Variants in STX12 observed in about 807,000 individuals in gnomAD.
The protein encoded by STX12 is syntaxin 12, also known as syntaxin-12.
STX12 carries 17 observed loss-of-function variants against 42.2 expected under a neutral mutation model. The ratio of observed to expected loss-of-function variants is 0.40; its 90% CI spans 0.28 to 0.60. The LOEUF (loss-of-function observed/expected upper bound fraction) is 0.60, where lower values mean the gene tolerates loss of function less well. Among genes scored for constraint, STX12 ranks in the 20% least tolerant of loss-of-function variants. The probability of loss-of-function intolerance (pLI) is 0.39; values close to 1 mark genes in which losing one functional copy is unlikely to be tolerated. For synonymous variants in STX12, 108 were observed against 116.7 expected, an observed-to-expected ratio of 0.93 and a Z score of 0.48; for missense variants, 297 against 330.9, an observed-to-expected ratio of 0.90 and a Z score of 0.79.
At chr1:27,801,343 G>A (rs1272176324) in intron 3 of STX12, among the ~76,000 whole-genome samples, 1 of 151,832 alleles carries the variant, frequency 6.6e-6, no homozygotes, top group Non-Finnish European at 1.5e-5. Flanking sequence ...GCAGAGGTTG[G>A]CAGTGAGCTG....
chr1:27,775,838 A>C (rs1034019995), intron 1 of STX12, among the ~76,000 whole-genome samples: 3 of 152,234 alleles, frequency 2.0e-5, no homozygotes, highest in African/African-American at 4.8e-5. Flanking sequence ...AGGAGGGAAT[A>C]AAATGAACAG....
chr1:27,786,211 C>T (rs913557871), intron 1 of STX12, among the ~76,000 whole-genome samples: 2 of 152,184 alleles, frequency 1.3e-5, no homozygotes, highest in Non-Finnish European at 2.9e-5. Context: ...CACCTCTCTG[C>T]TGTCTCTTGC....
chr1:27,789,570 A>C lies in STX12; in HGVS notation c.127A>C (p.Ile43Leu). The C allele has an allele frequency of 6.2e-7, 1 of 1,613,500 alleles. No individual in the cohort carries two copies. The highest frequency in any genetic ancestry group is 8.5e-7 in the Non-Finnish European group (1 of 1,179,622). ...IQRISQATAQ[I>L]KNLMSQLGTK... ...TCTTCCTATCTCCCCAGCTGCTCAG[A>C]TAAAGAATTTGATGAGCCAGCTAGG... The change falls in exon 2 of 9, where the codon ATA (isoleucine) becomes CTA (leucine). Residue 43 changes from isoleucine to leucine, a missense_variant. Transcript: ENST00000373943.
intron 1 of STX12, 58 bp downstream of exon 1, chr1:27,773,483 G>A: frequency 6.5e-7 from 1 of 1,532,706 alleles, no homozygotes; most frequent in Non-Finnish European, 9.0e-7. Context: ...GCCTGGGTGA[G>A]GCTGCCGGGA....
At chr1:27,777,896 A>G (rs1322077924) in intron 1 of STX12, among the ~76,000 whole-genome samples, 2 of 152,060 alleles carry the variant, frequency 1.3e-5, no homozygotes, top group African/African-American at 2.4e-5. Flanking sequence ...CAAAAAAAAA[A>G]GAAAAAAGAA....
chr1:27,778,031 CCAAATA>C (rs2148595934), intron 1 of STX12, among the ~76,000 whole-genome samples: 1 of 152,248 alleles, frequency 6.6e-6, no homozygotes, highest in East Asian at 1.9e-4. Flanking sequence ...GCCAGCACAC[CCAAATA>C]TACCCTTAGA....
chr1:27,782,098 GTTTT>G (rs140966022), intron 1 of STX12, among the ~76,000 whole-genome samples: 6,613 of 152,054 alleles, frequency 0.043, 485 homozygotes, highest in African/African-American at 0.15. Context: ...ATAAGCAGTG[GTTTT>G]TTGTTTTTTG....
At chr1:27,795,167 G>A (rs1184065479) in intron 3 of STX12, among the ~76,000 whole-genome samples, 1 of 152,068 alleles carries the variant, frequency 6.6e-6, no homozygotes, top group Non-Finnish European at 1.5e-5. Context: ...TCATTTTAGT[G>A]TATTGAGATC....
In STX12 at chr1:27,812,433, G is replaced by A. The variant is rs562780491; in HGVS notation, c.576+165G>A. Among the ~76,000 whole-genome samples, 16 of 141,414 alleles carry A rather than the reference G, an allele frequency of 1.1e-4. No individual in the cohort carries two copies. The South Asian group carries it at 3.2e-3, about 28-fold the overall frequency. The allele number at this position is 141,414 out of a possible 152,430, so 92.8% of individuals were successfully genotyped here. ...GTAATCATGGTGGGTTTGAACTACC[G>A]GTTTTTTTTGTTTTTTTTTTTATCT... On this transcript the variant is annotated intron_variant, in intron 6 of 8. Transcript: ENST00000373943.
intron 8 of STX12, among the ~76,000 whole-genome samples, chr1:27,821,307 G>A (rs1185638868): frequency 1.3e-5 from 2 of 152,002 alleles, no homozygotes; most frequent in Non-Finnish European, 2.9e-5. Flanking sequence ...TTAATTTAGT[G>A]TCCAACAGTA....
chr1:27,799,550 T>A (rs940762370), intron 3 of STX12, among the ~76,000 whole-genome samples: 9 of 150,336 alleles, frequency 6.0e-5, no homozygotes, highest in African/African-American at 2.0e-4. Flanking sequence ...TGGCGCGATC[T>A]CAGCTCACTG....
chr1:27,797,398 C>G (rs2148602083), intron 3 of STX12, among the ~76,000 whole-genome samples: 1 of 152,170 alleles, frequency 6.6e-6, no homozygotes. Flanking sequence ...CTTGCCTATC[C>G]CGTCTGCCCT....
At chr1:27,791,659 C>T (rs1216293771) in intron 2 of STX12, among the ~76,000 whole-genome samples, 1 of 151,708 alleles carries the variant, frequency 6.6e-6, no homozygotes, top group Admixed American at 6.6e-5. Flanking sequence ...ACTAAAAATA[C>T]AAAAAATTAG....
chr1:27,818,401 T>C (rs980529207), intron 7 of STX12, among the ~76,000 whole-genome samples: 1 of 144,940 alleles, frequency 6.9e-6, no homozygotes. Flanking sequence ...AAAAAAAAAA[T>C]GGAGTTAGTC....
chr1:27,811,452 T>C (rs1048292499), intron 5 of STX12, among the ~76,000 whole-genome samples: 1 of 152,084 alleles, frequency 6.6e-6, no homozygotes, highest in African/African-American at 2.4e-5. Flanking sequence ...AAAAGAATTT[T>C]TTAAAAAGTG....
chr1:27,777,895 A>C (rs910884559), intron 1 of STX12, among the ~76,000 whole-genome samples: 1 of 152,106 alleles, frequency 6.6e-6, no homozygotes, highest in African/African-American at 2.4e-5. Context: ...TCAAAAAAAA[A>C]AGAAAAAAGA....
chr1:27,813,157 A>G (rs772388397), intron 6 of STX12, among the ~76,000 whole-genome samples: 1 of 151,572 alleles, frequency 6.6e-6, no homozygotes, highest in Non-Finnish European at 1.5e-5. Context: ...TTAATTTTGC[A>G]CAGTGACTAA....
chr1:27,818,556 A>C (rs2088959777), intron 7 of STX12, among the ~76,000 whole-genome samples: 1 of 152,152 alleles, frequency 6.6e-6, no homozygotes, highest in Non-Finnish European at 1.5e-5. Context: ...TTCTTTGTAC[A>C]TCTTTGTTTA....
intron 3 of STX12, among the ~76,000 whole-genome samples, chr1:27,794,008 T>TA (rs397699779): frequency 6.6e-6 from 1 of 150,494 alleles, no homozygotes; most frequent in African/African-American, 2.5e-5. Context: ...TTTTTTTTTT[T>TA]AATTATTATT....
Sources: gnomAD v4.1 joint callset for allele counts (sites outside exome capture counted in the v4.1 genomes callset) on GRCh38, gnomAD v4.1.1 for gene constraint, MANE v1.5 for transcripts, NCBI Gene and HGNC (gene_info 2026-07-23, HGNC 2026-07-21) for gene names.